Variants in TMEM178B observed in about 807,000 individuals in gnomAD.
TMEM178B encodes transmembrane protein 178B.
A neutral mutation model predicts 31.0 loss-of-function variants in TMEM178B; 5 were observed. The observed-to-expected ratio is 0.16, with a 90% confidence interval of 0.08 to 0.34. The LOEUF is 0.34. Among genes scored for constraint, TMEM178B ranks in the 10% least tolerant of loss-of-function variants. TMEM178B has a pLI of 1.00. For missense variants in TMEM178B, 275 were observed against 400.3 expected (o/e 0.69, Z 2.67); for synonymous variants, 164 against 164.0 (o/e 1.00, Z 0.00).
chr7:141,452,950 G>C (rs1422246503), intron 3 of TMEM178B, among the ~76,000 whole-genome samples: 1 of 152,234 alleles, frequency 6.6e-6, no homozygotes, highest in African/African-American at 2.4e-5. Context: ...TCATGTCTCA[G>C]ACAGGCCCAT....
At chr7:141,222,801 A>G (rs2129189945) in intron 2 of TMEM178B, among the ~76,000 whole-genome samples, 1 of 152,308 alleles carries the variant, frequency 6.6e-6, no homozygotes, top group African/African-American at 2.4e-5. Flanking sequence ...ATGTAGGAGT[A>G]GAAAGTGGCT....
intron 1 of TMEM178B, among the ~76,000 whole-genome samples, chr7:141,132,307 T>G (rs1423192300): frequency 1.3e-5 from 2 of 152,232 alleles, no homozygotes; most frequent in East Asian, 3.8e-4. Flanking sequence ...CTTTCAAGAT[T>G]GGGGACCTTA....
At chr7:141,413,532 A>G (rs1240057538) in intron 2 of TMEM178B, among the ~76,000 whole-genome samples, 1 of 152,176 alleles carries the variant, frequency 6.6e-6, no homozygotes, top group African/African-American at 2.4e-5. Context: ...CTTTTGCAAG[A>G]CCTTGGATCC....
intron 2 of TMEM178B, among the ~76,000 whole-genome samples, chr7:141,435,854 A>G (rs879644735): frequency 6.6e-6 from 1 of 152,216 alleles, no homozygotes; most frequent in Non-Finnish European, 1.5e-5. Flanking sequence ...CAGCCAGGGC[A>G]GACAAGGGCG....
At position 141,344,616 on chromosome 7, in the gene TMEM178B, CTTCCTTCCTTCCTCCCTTCCTTCT is replaced by C. The variant is rs1426813096; in HGVS notation, c.497-92990_497-92967del. On this transcript the variant is annotated intron_variant, in intron 2 of 3. Transcript: ENST00000565468. The surrounding 1 kb of genome is among the most constrained non-coding windows in gnomAD (Gnocchi z 4.1). ...CCTTCCTTCCTTCCTTCCTTCCTTC[CTTCCTTCCTTCCTCCCTTCCTTCT>C]TCCCTTCATCAAAAGACCTCTCAGA... is the stretch of plus-strand genomic sequence containing the variant. Among the ~76,000 whole-genome samples the C allele has an allele frequency of 3.3e-5, 5 of 150,664 alleles. No homozygotes were observed. Among genetic ancestry groups the C allele is most frequent in the African/African-American group, 9.8e-5 (4 of 40,672 alleles).
chr7:141,211,940 A>G (rs921622049), intron 1 of TMEM178B, among the ~76,000 whole-genome samples: 6 of 152,196 alleles, frequency 3.9e-5, no homozygotes, highest in African/African-American at 1.4e-4. Context: ...ACACTTTGAG[A>G]ATCTCTGCCC....
At chr7:141,421,157 A>T (rs376440570) in intron 2 of TMEM178B, among the ~76,000 whole-genome samples, 179 of 152,244 alleles carry the variant, frequency 1.2e-3, no homozygotes, top group East Asian at 1.9e-3. Flanking sequence ...TTTGGAAAAC[A>T]TCCTTGCTTA....
intron 2 of TMEM178B, among the ~76,000 whole-genome samples, chr7:141,295,120 C>T (rs992327766): frequency 3.3e-5 from 5 of 152,158 alleles, no homozygotes; most frequent in African/African-American, 1.2e-4. Context: ...CACCTGGGAG[C>T]CTACTTGAAA....
chr7:141,399,952 C>T (rs1043469501), intron 2 of TMEM178B, among the ~76,000 whole-genome samples: 1 of 152,100 alleles, frequency 6.6e-6, no homozygotes, highest in Admixed American at 6.6e-5. Context: ...AATGTAGTGG[C>T]CAAGAAAAAC....
chr7:141,210,234 G>A (rs1046326523), intron 1 of TMEM178B, among the ~76,000 whole-genome samples: 1 of 152,136 alleles, frequency 6.6e-6, no homozygotes, highest in African/African-American at 2.4e-5. Context: ...GGAGGCCGAG[G>A]CGGGTGGATC....
At chr7:141,322,967 A>G (rs956931973) in intron 2 of TMEM178B, among the ~76,000 whole-genome samples, 18 of 152,010 alleles carry the variant, frequency 1.2e-4, no homozygotes, top group Admixed American at 7.2e-4. Flanking sequence ...TTAAATTTTT[A>G]TTTGTATTTT....
At chr7:141,311,974 A>G (rs1563148316) in intron 2 of TMEM178B, among the ~76,000 whole-genome samples, 1 of 152,250 alleles carries the variant, frequency 6.6e-6, no homozygotes, top group Non-Finnish European at 1.5e-5. Context: ...CACCGTTGAA[A>G]TACAATCAGA....
chr7:141,204,649 C>T (rs12540038), intron 1 of TMEM178B, among the ~76,000 whole-genome samples: 1 of 152,160 alleles, frequency 6.6e-6, no homozygotes, highest in South Asian at 2.1e-4. Context: ...GCTGGTAGCT[C>T]TCAGATATGG....
intron 1 of TMEM178B, among the ~76,000 whole-genome samples, chr7:141,145,145 A>G (rs1357855184): frequency 6.6e-6 from 1 of 152,108 alleles, no homozygotes; most frequent in Non-Finnish European, 1.5e-5. Context: ...AAATACCTAC[A>G]TCCTACCAGG....
chr7:141,116,223 G>T (rs1247918203), intron 1 of TMEM178B, among the ~76,000 whole-genome samples: 2 of 152,238 alleles, frequency 1.3e-5, no homozygotes, highest in East Asian at 3.9e-4. Flanking sequence ...GAGACAATTT[G>T]GTGTTCTTTG....
chr7:141,508,921 C>T, the TMEM178B span, among the ~76,000 whole-genome samples: 27 of 152,170 alleles, frequency 1.8e-4, no homozygotes, highest in Admixed American at 1.5e-3. Flanking sequence ...TGACTCCTTC[C>T]GTGGGACAAT....
chr7:141,454,965 A>G (rs1801937073), intron 3 of TMEM178B, among the ~76,000 whole-genome samples: 1 of 151,894 alleles, frequency 6.6e-6, no homozygotes, highest in Non-Finnish European at 1.5e-5. Context: ...TTCCCAAGGC[A>G]GAGGGCTTGG....
At chr7:141,372,369 G>A (rs558557719) in intron 2 of TMEM178B, among the ~76,000 whole-genome samples, 79 of 152,126 alleles carry the variant, frequency 5.2e-4, no homozygotes, top group Non-Finnish European at 6.8e-4. Context: ...CAGGCCAGGT[G>A]CGCTCTTGCT....
intron 1 of TMEM178B, among the ~76,000 whole-genome samples, chr7:141,125,692 A>AAAAAAG (rs1554452143): frequency 2.0e-5 from 3 of 151,822 alleles, no homozygotes; most frequent in South Asian, 2.1e-4. Flanking sequence ...AAAAAAAAAA[A>AAAAAAG]AAAAAGAAAA....
Sources: allele counts gnomAD v4.1 joint callset (sites outside exome capture counted in the v4.1 genomes callset), GRCh38; gene constraint gnomAD v4.1.1; non-coding constraint Gnocchi (gnomAD v3.1); transcripts MANE v1.5; gene names NCBI Gene and HGNC (gene_info 2026-07-23, HGNC 2026-07-21).